The following AGK variants were observed in gnomAD, a reference collection of about 807,000 sequenced individuals.
AGK encodes acylglycerol kinase, mitochondrial.
Under a neutral mutation model 66.4 loss-of-function variants are expected in AGK, and 52 were observed. The ratio of observed to expected loss-of-function variants is 0.78; its 90% confidence interval spans 0.63 to 0.99. AGK has a LOEUF of 0.99. Ranked by LOEUF, AGK falls within the 50% of genes least tolerant of loss-of-function variation. AGK has a pLI of 0.00. For synonymous variants in AGK, 182 were observed against 181.1 expected (o/e 1.00, Z -0.04); for missense variants, 451 against 506.6 (o/e 0.89, Z 1.05).
intron 2 of AGK, among the ~76,000 whole-genome samples, chr7:141,570,826 G>A (rs945739808): frequency 1.3e-5 from 2 of 150,938 alleles, no homozygotes; most frequent in African/African-American, 4.9e-5. Context: ...TTTTCTTATT[G>A]TCTCCACATT....
chr7:141,605,821 G>A (rs1402558507), intron 5 of AGK, among the ~76,000 whole-genome samples: 2 of 152,172 alleles, frequency 1.3e-5, no homozygotes, highest in Non-Finnish European at 2.9e-5. Context: ...TAAGGCATGT[G>A]CTTTCTACCT....
chr7:141,577,818 C>CTTT lies in AGK; in HGVS notation c.102-15312_102-15310dup, dbSNP rs71172606. ...GATCGAATGCCCCAACATAAATCTT[C>CTTT]TTTTTTTTTTTTTTTTTTGAAACAG... On this transcript the variant is annotated intron_variant, in intron 2 of 15. Coordinates refer to ENST00000649286, the MANE Select transcript of AGK (RefSeq NM_018238.4). Among the ~76,000 whole-genome samples the CTTT allele has an allele frequency of 4.1e-4, 56 of 136,440 alleles. No homozygotes were observed. The South Asian group carries it at 5.1e-3, about 12-fold the overall frequency. 89.5% of individuals were successfully genotyped at this position (136,440 alleles called of 152,430 possible). A position where few individuals can be genotyped will look rare whatever the true frequency, so the allele number is the denominator to read the frequency against.
intron 2 of AGK, among the ~76,000 whole-genome samples, chr7:141,565,787 G>C (rs190780084): frequency 2.6e-5 from 4 of 152,180 alleles, no homozygotes; most frequent in Admixed American, 6.5e-5. Context: ...TCACTGTCTT[G>C]GCTTTTGTCC....
At chr7:141,604,821 A>G (rs1243074132) in intron 5 of AGK, among the ~76,000 whole-genome samples, 1 of 152,008 alleles carries the variant, frequency 6.6e-6, no homozygotes, top group African/African-American at 2.4e-5. Flanking sequence ...TGACCTCGTG[A>G]TCTGCCTGCC....
At chr7:141,635,056 G>C (rs747119468) in intron 10 of AGK, among the ~76,000 whole-genome samples, 4 of 152,092 alleles carry the variant, frequency 2.6e-5, no homozygotes, top group Non-Finnish European at 5.9e-5. Flanking sequence ...AGCTCACCAA[G>C]AGAAACTGCT....
chr7:141,650,483 C>G, intron 14 of AGK: 1 of 985,192 alleles, frequency 1.0e-6, no homozygotes, highest in Non-Finnish European at 1.2e-6. Flanking sequence ...GAAGTGAAAT[C>G]AAGTAATGTC....
intron 13 of AGK, among the ~76,000 whole-genome samples, chr7:141,647,951 G>C (rs999438093): frequency 7.2e-5 from 11 of 152,186 alleles, no homozygotes; most frequent in African/African-American, 1.7e-4. Context: ...GATCACAGGC[G>C]TGAGCCACCG....
intron 5 of AGK, among the ~76,000 whole-genome samples, chr7:141,607,998 C>T (rs939682943): frequency 4.0e-5 from 6 of 151,858 alleles, no homozygotes; most frequent in Non-Finnish European, 5.9e-5. Context: ...ATTCATACAC[C>T]TTTTCACATT....
At chr7:141,568,739 T>TA (rs1363815172) in intron 2 of AGK, among the ~76,000 whole-genome samples, 2 of 151,310 alleles carry the variant, frequency 1.3e-5, no homozygotes, top group Admixed American at 1.3e-4. Flanking sequence ...GTCCGGCTAA[T>TA]TTTTTTTTGT....
At position 141,572,371 on chromosome 7, in the gene AGK, T is replaced by C. The variant is rs1001244408; in HGVS notation, c.101+16804T>C. Among the ~76,000 whole-genome samples, 43 of 152,188 alleles carry C rather than the reference T, an allele frequency of 2.8e-4. 1 individual carries two copies. The highest frequency in any genetic ancestry group is 1.0e-3 in the African/African-American group (42 of 41,452). On this transcript the variant is annotated intron_variant, in intron 2 of 15. Coordinates refer to ENST00000649286, the MANE Select transcript of AGK (RefSeq NM_018238.4). ...GTGGGTGGATGTGAGATTGTGATAG[T>C]GTGAATAATACATGAGCATGGGTGC...
At chr7:141,602,216 T>TGTGTGTGTGTGTGTGG (rs1554400578) in intron 5 of AGK, among the ~76,000 whole-genome samples, 1 of 151,408 alleles carries the variant, frequency 6.6e-6, no homozygotes, top group African/African-American at 2.4e-5. Flanking sequence ...TGTGTGTATG[T>TGTGTGTGTGTGTGTGG]AGAGACAGGA....
chr7:141,615,050 T>C (rs1048604531), intron 7 of AGK, among the ~76,000 whole-genome samples: 1 of 152,238 alleles, frequency 6.6e-6, no homozygotes, highest in Non-Finnish European at 1.5e-5. Flanking sequence ...GTACTTAAGA[T>C]AGTTTATAAA....
intron 5 of AGK, among the ~76,000 whole-genome samples, chr7:141,603,824 T>C (rs1796392228): frequency 1.3e-5 from 2 of 152,194 alleles, no homozygotes; most frequent in African/African-American, 4.8e-5. Flanking sequence ...GGTAGCTCGG[T>C]TCCCTGAAGT....
At chr7:141,643,397 TA>T (rs2117017134) in intron 13 of AGK, among the ~76,000 whole-genome samples, 1 of 152,296 alleles carries the variant, frequency 6.6e-6, no homozygotes, top group African/African-American at 2.4e-5. Flanking sequence ...TGATTATCAG[TA>T]TAAAATTAAG....
At position 141,601,229 on chromosome 7, in the gene AGK, A is replaced by T; in HGVS notation, c.246A>T (p.Lys82Asn). 5 of 1,613,052 alleles carry T rather than the reference A, an allele frequency of 3.1e-6. No homozygotes were observed. Among genetic ancestry groups the T allele is most frequent in the Non-Finnish European group, 4.2e-6 (5 of 1,179,446 alleles). ...GAAAAGCCAGGACTCTATTTGAAAA[A>T]AATGCTGCCCCGATTTTACATTTAT... ...CKGKARTLFEKNAAPILHLSG... is the reference protein window; with the variant it reads ...CKGKARTLFENNAAPILHLSG... Residue 82 changes from lysine (K) to asparagine (N), a missense_variant, in exon 5 of 16, where the codon AAA becomes AAT. Physicochemically the swap from Lys to Asn is moderately conservative, Grantham distance 94. Coordinates refer to ENST00000649286, the MANE Select transcript of AGK (RefSeq NM_018238.4).
At position 141,637,204 on chromosome 7, in the gene AGK, T is replaced by C. The variant is rs6964686; in HGVS notation, c.726+187T>C. On this transcript the variant is annotated intron_variant, in intron 11 of 15. Coordinates refer to ENST00000649286, the MANE Select transcript of AGK (RefSeq NM_018238.4). ...CCTGTTTTGATAAGCAATCACCCTTTATCTACCAATTCATTCCCTCTACTA... is the reference window on the plus strand; with the variant it reads ...CCTGTTTTGATAAGCAATCACCCTTCATCTACCAATTCATTCCCTCTACTA... Among the ~76,000 whole-genome samples, 14,492 of 152,190 alleles carry C rather than the reference T, an allele frequency of 0.095. 1,513 individuals are homozygous for C. Among genetic ancestry groups the C allele is most frequent in the African/African-American group, 0.26 (10,716 of 41,508 alleles).
intron 3 of AGK, among the ~76,000 whole-genome samples, chr7:141,595,005 C>T (rs1430242340): frequency 1.3e-5 from 2 of 152,204 alleles, no homozygotes; most frequent in Non-Finnish European, 2.9e-5. Flanking sequence ...TTCCTTCCAT[C>T]TCACAAATGG....
chr7:141,561,662 C>T (rs1350579845), intron 2 of AGK, among the ~76,000 whole-genome samples: 1 of 151,448 alleles, frequency 6.6e-6, no homozygotes, highest in African/African-American at 2.4e-5. Flanking sequence ...GGTGGAGTGC[C>T]AGTAGGGAAC....
intron 5 of AGK, among the ~76,000 whole-genome samples, chr7:141,607,494 T>C (rs915513824): frequency 6.6e-6 from 1 of 152,232 alleles, no homozygotes; most frequent in Non-Finnish European, 1.5e-5. Context: ...TGGGCTGGTT[T>C]CTTTTTGTTG....
Sources: gnomAD v4.1 joint callset for allele counts (sites outside exome capture counted in the v4.1 genomes callset) on GRCh38, gnomAD v4.1.1 for gene constraint, MANE v1.5 for transcripts, NCBI Gene and HGNC (gene_info 2026-07-23, HGNC 2026-07-21) for gene names.